Variants in VPS13C observed in about 807,000 individuals in gnomAD.
VPS13C encodes intermembrane lipid transfer protein VPS13C.
In VPS13C, 358 loss-of-function variants were observed where a neutral mutation model predicts 456.8. That is an observed-to-expected ratio of 0.78 (90% confidence interval 0.72 to 0.86). VPS13C has a LOEUF of 0.86. Among genes scored for constraint, VPS13C ranks in the 40% least tolerant of loss-of-function variants. The pLI is 0.00. For missense variants in VPS13C, 4,818 were observed against 4,385.4 expected, an observed-to-expected ratio of 1.10 and a Z score of -2.79; for synonymous variants, 1,578 against 1,486.7, an observed-to-expected ratio of 1.06 and a Z score of -1.41.
chr15:62,007,933 C>T (rs2046907652), intron 14 of VPS13C, among the ~76,000 whole-genome samples: 1 of 151,940 alleles, frequency 6.6e-6, no homozygotes, highest in African/African-American at 2.4e-5. Context: ...GGTGAAACCC[C>T]ATCTGTACTA....
chr15:61,963,763 A>G, intron 32 of VPS13C, 72 bp downstream of exon 32: 2 of 1,066,602 alleles, frequency 1.9e-6, no homozygotes, highest in Non-Finnish European at 2.9e-6. Context: ...TACATTCTTT[A>G]GCATTGCAAA....
intron 12 of VPS13C, among the ~76,000 whole-genome samples, chr15:62,011,090 A>T (rs1374923758): frequency 6.6e-6 from 1 of 152,188 alleles, no homozygotes; most frequent in African/African-American, 2.4e-5. Context: ...AATAATCATT[A>T]CGTATATAAC....
intron 7 of VPS13C, 42 bp downstream of exon 7, chr15:62,023,738 T>C (rs1400162409): frequency 3.3e-6 from 5 of 1,512,072 alleles, no homozygotes; most frequent in Admixed American, 1.9e-5. Context: ...AAAGTGGCAA[T>C]GTGTATAAAC....
intron 1 of VPS13C, among the ~76,000 whole-genome samples, chr15:62,046,184 G>T (rs1292289017): frequency 3.9e-5 from 6 of 152,108 alleles, no homozygotes; most frequent in Admixed American, 3.9e-4. Context: ...GGAAATGAAA[G>T]AATACAGGCA....
chr15:61,893,680 C>T (rs34796280), intron 66 of VPS13C, among the ~76,000 whole-genome samples: 9,913 of 150,672 alleles, frequency 0.066, 351 homozygotes, highest in Non-Finnish European at 0.08. Context: ...ATTACAACAA[C>T]CTCTTAATAG....
In VPS13C at chr15:61,929,544, A is replaced by C; in HGVS notation, c.6243T>G (p.Ile2081Met). The C allele has an allele frequency of 6.2e-7, 1 of 1,614,008 alleles. No homozygotes were observed. The highest frequency in any genetic ancestry group is 8.5e-7 in the Non-Finnish European group (1 of 1,179,962). ...SPENVAKETQ[I>M]LPRQTATGKV... ...TCCCTGTGGCAGTCTGTCTTGGTAA[A>C]ATCTGTGTTTCTTTTGCCACATTTT... Residue 2081 changes from isoleucine to methionine, a missense_variant, in exon 51 of 85, where the codon ATT becomes ATG. Transcript: ENST00000644861.
At chr15:61,947,129 C>T in intron 43 of VPS13C, 64 bp downstream of exon 43, 1 of 1,088,454 alleles carries the variant, frequency 9.2e-7, no homozygotes, top group Admixed American at 2.6e-5. Flanking sequence ...CTAACAGGTA[C>T]AAGCTCATTT....
chr15:61,891,194 C>A (rs2042640162), intron 66 of VPS13C, among the ~76,000 whole-genome samples: 1 of 152,096 alleles, frequency 6.6e-6, no homozygotes, highest in Non-Finnish European at 1.5e-5. Flanking sequence ...TTGATTTGGT[C>A]AGTGTTTTCA....
At chr15:61,959,985 C>T (rs1274708326) in intron 35 of VPS13C, among the ~76,000 whole-genome samples, 1 of 152,080 alleles carries the variant, frequency 6.6e-6, no homozygotes, top group African/African-American at 2.4e-5. Context: ...TTTTCCAAGG[C>T]ATTTCATAAA....
intron 6 of VPS13C, 113 bp downstream of exon 6, chr15:62,028,245 C>T (rs926004232): frequency 8.9e-7 from 1 of 1,123,270 alleles, no homozygotes; most frequent in Non-Finnish European, 1.3e-6. Flanking sequence ...ACAAAAATTG[C>T]ATTTCCATAT....
At chr15:61,988,158 C>T (rs922460714) in intron 18 of VPS13C, among the ~76,000 whole-genome samples, 2 of 152,000 alleles carry the variant, frequency 1.3e-5, no homozygotes, top group African/African-American at 4.8e-5. Flanking sequence ...AAAGTAATCA[C>T]GGTGACATAA....
rs1896210174 is a variant in VPS13C, at chr15:61,885,657, C to T, written c.9342-1388G>A. Among the ~76,000 whole-genome samples, 3 of 152,254 alleles carry T rather than the reference C, an allele frequency of 2.0e-5. No individual in the cohort carries two copies. In the South Asian group the frequency reaches 6.2e-4, roughly 32 times the overall value. ...GACTGAAATATTTTCCACTAAGTACCTGCTCACAAATAATACAATAGGCTT... is the reference window on the plus strand; with the variant it reads ...GACTGAAATATTTTCCACTAAGTACTTGCTCACAAATAATACAATAGGCTT... On this transcript the variant is annotated intron_variant, in intron 67 of 84. Coordinates refer to ENST00000644861, the MANE Select transcript of VPS13C (RefSeq NM_020821.3).
intron 9 of VPS13C, among the ~76,000 whole-genome samples, chr15:62,015,134 G>A (rs2047184401): frequency 6.6e-6 from 1 of 152,084 alleles, no homozygotes; most frequent in South Asian, 2.1e-4. Flanking sequence ...GCTCCCTTAT[G>A]ACCACTATCA....
chr15:61,915,617 G>A lies in VPS13C; in HGVS notation c.8445+16C>T, dbSNP rs1360622910. On this transcript the variant is annotated intron_variant, in intron 61 of 84. Transcript: ENST00000644861. Reference sequence around the variant, plus strand: ...GAATTTATCTGCTTTAACTTATTATGTGAACAAAACCACACCTTATTTTTA... The same window carrying A: ...GAATTTATCTGCTTTAACTTATTATATGAACAAAACCACACCTTATTTTTA... 2 of 1,555,330 alleles carry A rather than the reference G, an allele frequency of 1.3e-6. No individual in the cohort carries two copies. Among genetic ancestry groups the A allele is most frequent in the South Asian group, 2.5e-5 (2 of 78,682 alleles).
Position 61,961,773 on chromosome 15 carries a change from T to C in VPS13C, c.3724A>G (p.Asn1242Asp), listed in dbSNP as rs1233932867. ...ATAACCGGTGCTTTCAAATCAATAT[T>C]GATGGAAACACGAAAACTCCTCTGG... ...LAQRSFRVSI[N>D]IDLKAPVIVI... Residue 1242 changes from asparagine (N) to aspartate (D), a missense_variant, in exon 35 of 85, where the codon AAT (asparagine) becomes GAT (aspartate). Asn to Asp is a conservative substitution (Grantham distance 23, BLOSUM62 1). Around this residue, in one of 3 missense-constraint regions of VPS13C, gnomAD observed 4,552 missense variants for 4,130.6 expected, o/e 1.10. Transcript: ENST00000644861. 6.2e-7 allele frequency: 1 copy of C among 1,614,004 alleles called. No homozygotes were observed. The highest frequency in any genetic ancestry group is 8.5e-7 in the Non-Finnish European group (1 of 1,179,966).
At chr15:61,999,960 G>C (rs1029573145) in intron 16 of VPS13C, among the ~76,000 whole-genome samples, 1 of 151,658 alleles carries the variant, frequency 6.6e-6, no homozygotes, top group Non-Finnish European at 1.5e-5. Flanking sequence ...TATAAGCATG[G>C]GAGAAAAACT....
intron 1 of VPS13C, among the ~76,000 whole-genome samples, chr15:62,051,647 T>C (rs1212895948): frequency 2.0e-5 from 3 of 152,114 alleles, no homozygotes; most frequent in African/African-American, 7.2e-5. Context: ...GCCAGCGTGG[T>C]TGTCGGTTCC....
At chr15:61,872,236 G>C (rs1342789383) in intron 78 of VPS13C, among the ~76,000 whole-genome samples, 1 of 152,118 alleles carries the variant, frequency 6.6e-6, no homozygotes, top group Non-Finnish European at 1.5e-5. Flanking sequence ...AATCTTAAAT[G>C]AAAGCATTTT....
At chr15:61,908,557 C>T (rs748109153) in intron 65 of VPS13C, among the ~76,000 whole-genome samples, 5 of 151,928 alleles carry the variant, frequency 3.3e-5, no homozygotes, top group Non-Finnish European at 5.9e-5. Context: ...CTATCCCTAC[C>T]CAAAAAAACT....
Sources: allele counts gnomAD v4.1 joint callset (sites outside exome capture counted in the v4.1 genomes callset), GRCh38; gene constraint gnomAD v4.1.1; regional missense constraint gnomAD v4.1.1; transcripts MANE v1.5; gene names NCBI Gene and HGNC (gene_info 2026-07-23, HGNC 2026-07-21).